ZBTB46: variants seen among roughly 807,000 people sequenced by gnomAD.
The protein encoded by ZBTB46 is zinc finger and BTB domain containing 46, also known as zinc finger and BTB domain-containing protein 46.
In ZBTB46, 8 loss-of-function variants were observed where a neutral mutation model predicts 44.1. The observed-to-expected ratio is 0.18, with a 90% CI of 0.11 to 0.33. ZBTB46 has a LOEUF of 0.33. Among genes scored for constraint, ZBTB46 ranks in the 10% least tolerant of loss-of-function variants. The probability of loss-of-function intolerance (pLI) is 1.00; values close to 1 mark genes in which losing one functional copy is unlikely to be tolerated. For synonymous variants in ZBTB46, 409 were observed against 382.3 expected, an observed-to-expected ratio of 1.07 and a Z score of -0.81; for missense variants, 651 against 847.7, an observed-to-expected ratio of 0.77 and a Z score of 2.88.
At position 63,767,335 on chromosome 20, in the gene ZBTB46, C is replaced by T. The variant is rs772573297; in HGVS notation, c.1222+8343G>A. ...AGGATCTCGGTCATCTGAACCCCGT[C>T]GGGCAGAAGCTGGAGGTCCACCCGC... is the stretch of plus-strand genomic sequence containing the variant. On this transcript the variant is annotated intron_variant, in intron 3 of 4. Transcript: ENST00000245663. The surrounding 1 kb of genome is among the most constrained non-coding windows in gnomAD (Gnocchi z 5.0). Among the ~76,000 whole-genome samples the T allele has an allele frequency of 6.6e-6, 1 of 152,082 alleles. No homozygotes were observed. The highest frequency in any genetic ancestry group is 2.4e-5 in the African/African-American group (1 of 41,402).
Position 63,790,713 on chromosome 20 carries a change from C to T in ZBTB46, c.45G>A (p.Arg15=). The change falls in exon 2 of 5, where the codon CGG becomes CGA. Residue 15 remains arginine (R), a synonymous_variant. Coordinates refer to ENST00000245663, the MANE Select transcript of ZBTB46 (RefSeq NM_001369741.1). ...KEDMEITSHY[R]HLLRELNEQR... ...GCTCGTTGAGCTCCCGCAGCAGGTG[C>T]CGGTAGTGGGACGTGATTTCCATAT... 1 of 1,610,602 alleles carries T rather than the reference C, an allele frequency of 6.2e-7. No individual in the cohort carries two copies. The highest frequency in any genetic ancestry group is 2.2e-5 in the East Asian group (1 of 44,840).
chr20:63,764,567 T>C (rs935646812), intron 3 of ZBTB46, among the ~76,000 whole-genome samples: 1 of 152,124 alleles, frequency 6.6e-6, no homozygotes, highest in African/African-American at 2.4e-5. Flanking sequence ...AAGTCAGCCA[T>C]CACTGTTGTT....
intron 3 of ZBTB46, among the ~76,000 whole-genome samples, chr20:63,759,290 G>C (rs963854953): frequency 6.6e-6 from 1 of 151,960 alleles, no homozygotes; most frequent in Non-Finnish European, 1.5e-5. Flanking sequence ...TAATTATCCT[G>C]TTAAAAATCT....
At chr20:63,799,699 A>G (rs1037465246) in intron 1 of ZBTB46, among the ~76,000 whole-genome samples, 2 of 152,212 alleles carry the variant, frequency 1.3e-5, no homozygotes, top group Non-Finnish European at 2.9e-5. Flanking sequence ...CACATCACAA[A>G]GAAGAAGCAT....
intron 1 of ZBTB46, among the ~76,000 whole-genome samples, chr20:63,828,824 C>T (rs545024596): frequency 1.3e-5 from 2 of 152,340 alleles, no homozygotes; most frequent in South Asian, 4.1e-4. Context: ...GCTGTGGAGC[C>T]GTCTAGGCAC....
At chr20:63,809,039 A>G (rs1601519277) in intron 1 of ZBTB46, among the ~76,000 whole-genome samples, 1 of 150,974 alleles carries the variant, frequency 6.6e-6, no homozygotes, top group African/African-American at 2.4e-5. Flanking sequence ...TCCATGATTC[A>G]TGAGGTAAGA....
chr20:63,789,910 G>A lies in ZBTB46; in HGVS notation c.848C>T (p.Thr283Ile). ...CCGGCTGTCATCTTCCACCTGCTGT[G>A]TGATGTGCCGGACGGTCTCTTTGTT... ...RKNKETVRHI[T>I]QQVEDDSRAS... Residue 283 changes from threonine (T) to isoleucine (I), a missense_variant, in exon 2 of 5, where the codon ACA (threonine) becomes ATA (isoleucine). By Grantham distance (89) the Thr-to-Ile change is moderately conservative. Coordinates refer to ENST00000245663, the MANE Select transcript of ZBTB46 (RefSeq NM_001369741.1). The A allele has an allele frequency of 6.2e-7, 1 of 1,614,092 alleles. No individual in the cohort carries two copies. The highest frequency in any genetic ancestry group is 8.5e-7 in the Non-Finnish European group (1 of 1,180,052).
At position 63,752,839 on chromosome 20, in the gene ZBTB46, C is replaced by T. The variant is rs751506930; in HGVS notation, c.1245G>A (p.Arg415=). ...SLSLNEFTVI[R]KKFKCPYCSF... The stretch of plus-strand genomic sequence containing the variant: ...TGCAGTACGGACACTTGAACTTCTT[C>T]CTGATCACCGTGAACTCATTCACTG... The change falls in exon 4 of 5, where the codon AGG becomes AGA. Residue 415 remains arginine, a synonymous_variant. Transcript: ENST00000245663. The surrounding 1 kb of genome is among the most constrained non-coding windows in gnomAD (Gnocchi z 5.6). 6.2e-7 allele frequency: 1 copy of T among 1,610,098 alleles called. No individual in the cohort carries two copies. Among genetic ancestry groups the T allele is most frequent in the Non-Finnish European group, 8.5e-7 (1 of 1,177,488 alleles).
chr20:63,786,887 C>G (rs1417455496), intron 2 of ZBTB46, among the ~76,000 whole-genome samples: 1 of 152,206 alleles, frequency 6.6e-6, no homozygotes, highest in Non-Finnish European at 1.5e-5. Flanking sequence ...TCAAGGGATC[C>G]TCATGCCTCG....
At chr20:63,768,159 C>T in intron 3 of ZBTB46, 1 of 983,642 alleles carries the variant, frequency 1.0e-6, no homozygotes, top group Non-Finnish European at 1.2e-6. Flanking sequence ...TAAAGAGACA[C>T]TCAAAAATAT....
At chr20:63,768,513 A>T (rs1461815221) in intron 3 of ZBTB46, among the ~76,000 whole-genome samples, 2 of 152,184 alleles carry the variant, frequency 1.3e-5, no homozygotes, top group Non-Finnish European at 2.9e-5. Flanking sequence ...AGGCTGAGGC[A>T]GGAGAATCTC....
intron 1 of ZBTB46, among the ~76,000 whole-genome samples, chr20:63,802,991 G>A (rs959202585): frequency 1.3e-5 from 2 of 152,292 alleles, no homozygotes; most frequent in East Asian, 3.9e-4. Context: ...GGCAGCCCCA[G>A]GTCACTGACG....
chr20:63,777,070 C>CACCCACTGGGATG lies in ZBTB46; in HGVS notation c.938-1109_938-1108insCATCCCAGTGGGT, dbSNP rs1568856950. Among the ~76,000 whole-genome samples the CACCCACTGGGATG allele has an allele frequency of 5.3e-4, 23 of 43,660 alleles. 1 individual carries two copies. Among genetic ancestry groups the CACCCACTGGGATG allele is most frequent in the South Asian group, 2.5e-3 (3 of 1,180 alleles). The allele number at this position is 43,660 out of a possible 152,430, so 28.6% of individuals were successfully genotyped here. A position where few individuals can be genotyped will look rare whatever the true frequency, so the allele number is the denominator to read the frequency against. On this transcript the variant is annotated intron_variant, in intron 2 of 4. Coordinates refer to ENST00000245663, the MANE Select transcript of ZBTB46 (RefSeq NM_001369741.1). Reference sequence around the variant, plus strand: ...CACCACACGCCACGGTTCCAGCACACGCCACGGTTCCACCACACGCCACGG... The same window carrying CACCCACTGGGATG: ...CACCACACGCCACGGTTCCAGCACACACCCACTGGGATGGCCACGGTTCCACCACACGCCACGG...
chr20:63,775,789 G>C lies in ZBTB46; in HGVS notation c.1111C>G (p.Arg371Gly). 6.2e-7 allele frequency: 1 copy of C among 1,613,396 alleles called. No homozygotes were observed. The highest frequency in any genetic ancestry group is 8.5e-7 in the Non-Finnish European group (1 of 1,179,958). Residue 371 changes from arginine (R) to glycine (G), a missense_variant, in exon 3 of 5, where the codon CGC (arginine) becomes GGC (glycine). By Grantham distance (125) the Arg-to-Gly change is moderately radical (BLOSUM62 -2). Around this residue, in one of 5 missense-constraint regions of ZBTB46, gnomAD observed 385 missense variants for 423.3 expected, o/e 0.91. Transcript: ENST00000245663. ...CTGTTCTTACTCATGAGCGCCGCGC[G>C]CAGGTTGGCCACCGCGGTGGCCTGA... ...LHQATAVANL[R>G]AALMSKNSLL...
intron 4 of ZBTB46, among the ~76,000 whole-genome samples, chr20:63,750,550 A>G (rs116157655): frequency 1.2e-4 from 19 of 152,034 alleles, no homozygotes; most frequent in African/African-American, 1.9e-4. Context: ...TCCATATGTT[A>G]TAAGTACATT....
intron 1 of ZBTB46, among the ~76,000 whole-genome samples, chr20:63,796,305 G>A (rs2092603856): frequency 1.3e-5 from 2 of 152,202 alleles, no homozygotes; most frequent in South Asian, 4.1e-4. Flanking sequence ...GAGGGCGGGA[G>A]GCCTCGGGTG....
chr20:63,799,197 A>G (rs2092625568), intron 1 of ZBTB46, among the ~76,000 whole-genome samples: 1 of 142,502 alleles, frequency 7.0e-6, no homozygotes, highest in Non-Finnish European at 1.5e-5. Context: ...CACTCAGCTA[A>G]TTTTTTTTTT....
In ZBTB46 at chr20:63,752,424, C is replaced by A. The variant is rs916243109; in HGVS notation, c.1398+262G>T. Among the ~76,000 whole-genome samples the A allele has an allele frequency of 6.6e-6, 1 of 151,964 alleles. No homozygotes were observed. The highest frequency in any genetic ancestry group is 2.4e-5 in the African/African-American group (1 of 41,362). On this transcript the variant is annotated intron_variant, in intron 4 of 4. Transcript: ENST00000245663. This position sits in a 1 kb window ranked among gnomAD's most constrained non-coding sequence, Gnocchi z 5.6. ...TCCAAGCAGAGCGAGCTGAGTTTGC[C>A]GAGGCCTGGCTGCCTTGGCGGCCAG... is the stretch of plus-strand genomic sequence containing the variant.
chr20:63,780,092 G>A (rs1354256236), intron 2 of ZBTB46, among the ~76,000 whole-genome samples: 1 of 151,504 alleles, frequency 6.6e-6, no homozygotes, highest in African/African-American at 2.4e-5. Context: ...CCAGCCCGGT[G>A]AAACCCCGTC....
Sources: gnomAD v4.1 joint callset for allele counts (sites outside exome capture counted in the v4.1 genomes callset) on GRCh38, gnomAD v4.1.1 for gene constraint, gnomAD v4.1.1 regional missense constraint, Gnocchi (gnomAD v3.1) non-coding constraint, MANE v1.5 for transcripts, NCBI Gene and HGNC (gene_info 2026-07-23, HGNC 2026-07-21) for gene names.